Variants in MORN1 observed in about 807,000 individuals in gnomAD.
MORN1 encodes the protein MORN repeat containing 1.
MORN1 carries 67 observed loss-of-function variants against 61.9 expected under a neutral mutation model. That is an observed-to-expected ratio of 1.08 (90% CI 0.89 to 1.33). The LOEUF is 1.33. Ranked by LOEUF, MORN1 falls within the 40% of genes most tolerant of loss-of-function variation. The pLI is 0.00. For missense variants in MORN1, 752 were observed against 691.2 expected (o/e 1.09, Z -0.99); for synonymous variants, 301 against 292.0 (o/e 1.03, Z -0.31).
Position 2,364,111 on chromosome 1 carries a change from T to G in MORN1, c.746-5396A>C, listed in dbSNP as rs1641952747. Among the ~76,000 whole-genome samples, 4 of 152,130 alleles carry G rather than the reference T, an allele frequency of 2.6e-5. No individual in the cohort carries two copies. In the South Asian group the frequency reaches 8.3e-4, roughly 31 times the overall value. On this transcript the variant is annotated intron_variant, in intron 8 of 13. Coordinates refer to ENST00000378531, the MANE Select transcript of MORN1 (RefSeq NM_024848.3). ...TTAAAAGTAAAAGGATGGATAGAGC[T>G]ACACCATGCTAATGCTAGTCAAAAG...
In MORN1 at chr1:2,321,920, G is replaced by A. The variant is rs796141484; in HGVS notation, c.1298-341C>T. 50 of 780,224 alleles carry A rather than the reference G, an allele frequency of 6.4e-5. No homozygotes were observed. In the African/African-American group the frequency reaches 7.5e-4, roughly 12 times the overall value. The allele number at this position is 780,224 out of a possible 1,614,324, so 48.3% of individuals were successfully genotyped here. ...TGGCCGCTCTCAAGCCCCCACTGCT[G>A]ACCTGGCTACAGGTCCCTGAAGGAT... On this transcript the variant is annotated intron_variant, in intron 13 of 13. Coordinates refer to ENST00000378531, the MANE Select transcript of MORN1 (RefSeq NM_024848.3).
At chr1:2,325,024 G>A (rs1055622915) in intron 12 of MORN1, among the ~76,000 whole-genome samples, 35 of 151,292 alleles carry the variant, frequency 2.3e-4, no homozygotes, top group Non-Finnish European at 1.5e-4. Context: ...CGAGGGGCTG[G>A]CTCTGTGTGG....
rs72920936 is a variant in MORN1 at position 2,328,468 on chromosome 1, G to C, written c.1251-4325C>G. Among the ~76,000 whole-genome samples, 573 of 152,328 alleles carry C rather than the reference G, an allele frequency of 3.8e-3. 5 individuals are homozygous for C. Among genetic ancestry groups the C allele is most frequent in the African/African-American group, 0.012 (515 of 41,584 alleles). ...GCCTCTAGGGCCACCAGGATGTGCCGGGAGCCAGTGAGGCAAGAGTCAAGG... is the reference window on the plus strand; with the variant it reads ...GCCTCTAGGGCCACCAGGATGTGCCCGGAGCCAGTGAGGCAAGAGTCAAGG... On this transcript the variant is annotated intron_variant, in intron 12 of 13. Coordinates refer to ENST00000378531, the MANE Select transcript of MORN1 (RefSeq NM_024848.3).
At chr1:2,378,606 G>A (rs1002648875) in intron 6 of MORN1, 1 of 272,934 alleles carries the variant, frequency 3.7e-6, no homozygotes, top group South Asian at 3.8e-5. Flanking sequence ...GTGTGAGACA[G>A]CCAACACTCA....
chr1:2,342,589 G>T (rs944494468), intron 10 of MORN1, among the ~76,000 whole-genome samples: 1 of 152,026 alleles, frequency 6.6e-6, no homozygotes, highest in African/African-American at 2.4e-5. Flanking sequence ...CAAGACACAT[G>T]GGGGGCCTCT....
intron 12 of MORN1, among the ~76,000 whole-genome samples, chr1:2,335,345 C>T (rs773260693): frequency 1.1e-4 from 16 of 152,290 alleles, no homozygotes; most frequent in African/African-American, 2.9e-4. Flanking sequence ...GAGGCGGCCC[C>T]GGCACACTCA....
At chr1:2,328,261 G>A (rs1641078213) in intron 12 of MORN1, among the ~76,000 whole-genome samples, 1 of 152,268 alleles carries the variant, frequency 6.6e-6, no homozygotes, top group Non-Finnish European at 1.5e-5. Flanking sequence ...GGCCAGGGAG[G>A]GCGGTTTGCA....
At chr1:2,343,393 C>T (rs1268114038) in intron 10 of MORN1, among the ~76,000 whole-genome samples, 1 of 152,210 alleles carries the variant, frequency 6.6e-6, no homozygotes, top group African/African-American at 2.4e-5. Flanking sequence ...CTGGGGATGA[C>T]GCTGCGGGGC....
intron 4 of MORN1, chr1:2,387,074 C>A: frequency 3.0e-6 from 1 of 336,754 alleles, no homozygotes; most frequent in Admixed American, 3.9e-5. Flanking sequence ...ATAGACCAGA[C>A]CAGAAGCCCC....
chr1:2,344,502 C>T (rs531859521), intron 10 of MORN1, among the ~76,000 whole-genome samples: 7 of 152,278 alleles, frequency 4.6e-5, no homozygotes, highest in South Asian at 2.1e-4. Context: ...GCCCCAAGGC[C>T]GATGCTGCTG....
chr1:2,374,488 C>T lies in MORN1; in HGVS notation c.607G>A (p.Gly203Arg). The T allele has an allele frequency of 1.9e-6, 3 of 1,602,292 alleles. No individual in the cohort carries two copies. Among genetic ancestry groups the T allele is most frequent in the Non-Finnish European group, 2.6e-6 (3 of 1,175,144 alleles). Residue 203 changes from glycine to arginine, a missense_variant, in exon 7 of 14, where the codon GGG becomes AGG. Transcript: ENST00000378531. Reference protein sequence around the residue: ...MAHCSGVTYYGLWINGHPAEQ... With the variant: ...MAHCSGVTYYRLWINGHPAEQ... ...GCTGGGTGGCCATTGATCCACAACC[C>T]ATAATAGGTGACCCCTGAGCAGTGG... is the stretch of plus-strand genomic sequence containing the variant.
At chr1:2,325,692 T>C (rs1641013241) in intron 12 of MORN1, among the ~76,000 whole-genome samples, 1 of 147,548 alleles carries the variant, frequency 6.8e-6, no homozygotes, top group African/African-American at 2.5e-5. Context: ...CTCACTCTGT[T>C]GCCCAGGCTG....
At chr1:2,358,858 G>A in intron 8 of MORN1, 143 bp from the exon 9 acceptor site, 1 of 1,008,480 alleles carries the variant, frequency 9.9e-7, no homozygotes. Flanking sequence ...GTGGGCTGAG[G>A]ACCCCGGCTT....
At chr1:2,374,398 G>T (rs1047871918) in intron 7 of MORN1, 63 bp downstream of exon 7, 1 of 1,433,968 alleles carries the variant, frequency 7.0e-7, no homozygotes, top group East Asian at 2.5e-5. Flanking sequence ...ATGGCTGCCC[G>T]GGGGCCAGGG....
intron 8 of MORN1, among the ~76,000 whole-genome samples, chr1:2,370,738 C>G (rs2100333925): frequency 6.7e-6 from 1 of 149,506 alleles, no homozygotes; most frequent in South Asian, 2.1e-4. Flanking sequence ...TGTAGTGGTG[C>G]AGTCACGGGG....
At chr1:2,336,648 G>A in intron 11 of MORN1, 69 bp downstream of exon 11, 1 of 1,572,048 alleles carries the variant, frequency 6.4e-7, no homozygotes, top group South Asian at 1.2e-5. Context: ...CCTGGGTGTT[G>A]AGGTGGTGGG....
intron 6 of MORN1, among the ~76,000 whole-genome samples, chr1:2,379,894 G>A (rs1384430885): frequency 6.6e-6 from 1 of 152,184 alleles, no homozygotes; most frequent in Non-Finnish European, 1.5e-5. Flanking sequence ...CTCTGGGGCT[G>A]TGGCCCACAG....
At chr1:2,335,829 A>AGCCCCGCCCAGCCCAGCCCGGCCCG (rs568929816) in intron 12 of MORN1, among the ~76,000 whole-genome samples, 2 of 139,352 alleles carry the variant, frequency 1.4e-5, no homozygotes, top group African/African-American at 6.7e-5. Context: ...TCGCCTCCAT[A>AGCCCCGCCCAGCCCAGCCCGGCCCG]GCCCAGCCCA....
rs367753944 is a variant in MORN1, at chr1:2,321,323, C to G, written c.*60G>C. 4.2e-5 allele frequency: 52 copies of G among 1,251,110 alleles called. No homozygotes were observed. The African/African-American group carries it at 5.7e-4, about 14-fold the overall frequency. The allele number at this position is 1,251,110 out of a possible 1,614,324, so 77.5% of individuals were successfully genotyped here. A position where few individuals can be genotyped will look rare whatever the true frequency, so the allele number is the denominator to read the frequency against. ...TGGAGAATCGGGGAGCAGAGTCACG[C>G]AAGCAGAGGCAGCGTTTCCTTCCAT... is the stretch of plus-strand genomic sequence containing the variant. On this transcript the variant is annotated 3_prime_UTR_variant, in exon 14 of 14. Coordinates refer to ENST00000378531, the MANE Select transcript of MORN1 (RefSeq NM_024848.3).
Sources: allele counts gnomAD v4.1 joint callset (sites outside exome capture counted in the v4.1 genomes callset), GRCh38; gene constraint gnomAD v4.1.1; transcripts MANE v1.5; gene names NCBI Gene and HGNC (gene_info 2026-07-23, HGNC 2026-07-21).